Variants in ST6GALNAC3 observed in about 807,000 individuals in gnomAD.
ST6GALNAC3 encodes the protein ST6 N-acetylgalactosaminide alpha-2,6-sialyltransferase 3, also known as alpha-N-acetylgalactosaminide alpha-2,6-sialyltransferase 3.
ST6GALNAC3 carries 25 observed loss-of-function variants against 32.7 expected under a neutral mutation model. The ratio of observed to expected loss-of-function variants is 0.76; its 90% CI spans 0.56 to 1.07. The LOEUF (loss-of-function observed/expected upper bound fraction) is 1.07, where lower values mean the gene tolerates loss of function less well. Ranked by LOEUF, ST6GALNAC3 falls within the 50% of genes least tolerant of loss-of-function variation. ST6GALNAC3 has a pLI of 0.00. For missense variants in ST6GALNAC3, 355 were observed against 382.4 expected (o/e 0.93, Z 0.60); for synonymous variants, 129 against 133.1 (o/e 0.97, Z 0.21).
At chr1:76,481,867 A>G (rs1010365767) in intron 3 of ST6GALNAC3, among the ~76,000 whole-genome samples, 1 of 152,150 alleles carries the variant, frequency 6.6e-6, no homozygotes, top group Non-Finnish European at 1.5e-5. Flanking sequence ...AGGGCCCATA[A>G]TAGAACTCCA....
chr1:76,082,258 A>G (rs1646906574), intron 1 of ST6GALNAC3, among the ~76,000 whole-genome samples: 1 of 152,112 alleles, frequency 6.6e-6, no homozygotes, highest in Non-Finnish European at 1.5e-5. Flanking sequence ...GAGGGAGTAG[A>G]TTTACAAGTG....
chr1:76,270,056 C>G (rs926421101), intron 1 of ST6GALNAC3, among the ~76,000 whole-genome samples: 22 of 152,046 alleles, frequency 1.4e-4, no homozygotes, highest in African/African-American at 5.1e-4. Context: ...ATCCATACCC[C>G]CCAAATAGTG....
chr1:76,095,089 A>G (rs1477598342), intron 1 of ST6GALNAC3, among the ~76,000 whole-genome samples: 2 of 152,166 alleles, frequency 1.3e-5, no homozygotes, highest in Non-Finnish European at 2.9e-5. Flanking sequence ...TGAGGACTCT[A>G]GAGGCATGAA....
intron 3 of ST6GALNAC3, among the ~76,000 whole-genome samples, chr1:76,417,806 G>A (rs1367463628): frequency 1.3e-5 from 2 of 152,158 alleles, no homozygotes. Flanking sequence ...TTAATTAGCT[G>A]GTGCCAATGT....
intron 1 of ST6GALNAC3, among the ~76,000 whole-genome samples, chr1:76,259,954 T>C (rs1658130702): frequency 1.3e-5 from 2 of 152,170 alleles, no homozygotes; most frequent in African/African-American, 4.8e-5. Flanking sequence ...CCCTCTGTCT[T>C]CTTTTCCATC....
intron 2 of ST6GALNAC3, among the ~76,000 whole-genome samples, chr1:76,373,034 T>C (rs928519293): frequency 7.2e-5 from 11 of 152,190 alleles, no homozygotes; most frequent in African/African-American, 2.7e-4. Context: ...TGGGCTCAAG[T>C]GATCCTCCTG....
At chr1:76,626,984 A>C (rs1320939119) in intron 3 of ST6GALNAC3, among the ~76,000 whole-genome samples, 1 of 151,942 alleles carries the variant, frequency 6.6e-6, no homozygotes, top group African/African-American at 2.4e-5. Flanking sequence ...CACTGCATGT[A>C]AGTTACACTT....
intron 2 of ST6GALNAC3, among the ~76,000 whole-genome samples, chr1:76,403,767 C>T (rs1003512851): frequency 3.9e-5 from 6 of 151,966 alleles, no homozygotes; most frequent in South Asian, 2.1e-4. Flanking sequence ...TTTAGCAGCA[C>T]GTCCTGAGAT....
intron 1 of ST6GALNAC3, among the ~76,000 whole-genome samples, chr1:76,217,879 G>A (rs1008225705): frequency 1.3e-5 from 2 of 152,172 alleles, no homozygotes; most frequent in East Asian, 3.9e-4. Context: ...AGTATTCTAT[G>A]GTATATATAT....
At chr1:76,433,553 T>C (rs1557882139) in intron 3 of ST6GALNAC3, among the ~76,000 whole-genome samples, 3 of 152,238 alleles carry the variant, frequency 2.0e-5, no homozygotes, top group Non-Finnish European at 4.4e-5. Context: ...AAAATCTTAA[T>C]GAGAGCCTGG....
chr1:76,443,748 G>T (rs1656776380), intron 3 of ST6GALNAC3, among the ~76,000 whole-genome samples: 1 of 152,268 alleles, frequency 6.6e-6, no homozygotes, highest in Non-Finnish European at 1.5e-5. Flanking sequence ...GATTTCAAAA[G>T]AAAATAATTT....
chr1:76,424,110 G>A (rs1315934128), intron 3 of ST6GALNAC3, among the ~76,000 whole-genome samples: 2 of 151,978 alleles, frequency 1.3e-5, no homozygotes, highest in Non-Finnish European at 2.9e-5. Context: ...GTCTTAACCT[G>A]TGAGTTCATA....
intron 1 of ST6GALNAC3, among the ~76,000 whole-genome samples, chr1:76,301,408 G>A (rs887258286): frequency 1.3e-5 from 2 of 151,986 alleles, no homozygotes; most frequent in African/African-American, 4.8e-5. Flanking sequence ...AACAGACCTT[G>A]TGCATTTTAC....
chr1:76,143,861 T>G (rs1261565420), intron 1 of ST6GALNAC3, among the ~76,000 whole-genome samples: 2 of 152,116 alleles, frequency 1.3e-5, no homozygotes, highest in East Asian at 3.9e-4. Context: ...GGCTTGGAGT[T>G]ATGGGGAACA....
chr1:76,404,443 A>C (rs1425720176), intron 2 of ST6GALNAC3, among the ~76,000 whole-genome samples: 2 of 152,108 alleles, frequency 1.3e-5, no homozygotes, highest in African/African-American at 2.4e-5. Flanking sequence ...ATCATTCCTG[A>C]AACACGGGAA....
chr1:76,442,920 G>A (rs565119945), intron 3 of ST6GALNAC3, among the ~76,000 whole-genome samples: 4 of 152,316 alleles, frequency 2.6e-5, no homozygotes, highest in East Asian at 3.9e-4. Context: ...GACTGATAAG[G>A]AAGATCAAAA....
Position 76,220,367 on chromosome 1 carries a change from A to G in ST6GALNAC3, c.19-93438A>G, listed in dbSNP as rs1363267876. ...CTCTTTGCTTACAGTTCTTTTTTAA[A>G]ACAAGCATTTTATACAAAGTAAAAT... On this transcript the variant is annotated intron_variant, in intron 1 of 4. Coordinates refer to ENST00000328299, the MANE Select transcript of ST6GALNAC3 (RefSeq NM_152996.4). 2.0e-5 allele frequency among the ~76,000 whole-genome samples: 3 copies of G among 152,322 alleles called. No individual in the cohort carries two copies. In the East Asian group the frequency reaches 5.8e-4, roughly 29 times the overall value.
intron 3 of ST6GALNAC3, among the ~76,000 whole-genome samples, chr1:76,601,608 T>A (rs1311852816): frequency 6.6e-6 from 1 of 152,232 alleles, no homozygotes; most frequent in Non-Finnish European, 1.5e-5. Flanking sequence ...CTATGCTGTA[T>A]TTCATTAACC....
intron 2 of ST6GALNAC3, among the ~76,000 whole-genome samples, chr1:76,332,881 T>C (rs1647218570): frequency 6.6e-6 from 1 of 152,128 alleles, no homozygotes; most frequent in South Asian, 2.1e-4. Context: ...ACCTTCTAGG[T>C]CTTTTCTGAT....
Sources: gnomAD v4.1 joint callset for allele counts (sites outside exome capture counted in the v4.1 genomes callset) on GRCh38, gnomAD v4.1.1 for gene constraint, MANE v1.5 for transcripts, NCBI Gene and HGNC (gene_info 2026-07-23, HGNC 2026-07-21) for gene names.